Variants in CD81 observed in about 807,000 individuals in gnomAD.
The protein encoded by CD81 is CD81 molecule.
In CD81, 10 loss-of-function variants were observed where a neutral mutation model predicts 30.1. The observed-to-expected ratio is 0.33, with a 90% CI of 0.21 to 0.56. CD81 has a LOEUF of 0.56. Among genes scored for constraint, CD81 ranks in the 20% least tolerant of loss-of-function variants. The pLI is 0.89. For missense variants in CD81, 263 were observed against 308.7 expected (o/e 0.85, Z 1.11); for synonymous variants, 147 against 126.4 (o/e 1.16, Z -1.10).
intron 2 of CD81, among the ~76,000 whole-genome samples, 188 bp downstream of exon 2, chr11:2,390,714 C>T (rs1273218919): frequency 6.6e-6 from 1 of 152,154 alleles, no homozygotes; most frequent in African/African-American, 2.4e-5. Context: ...CCTGCTGGCC[C>T]TTCTGGTCTG....
At chr11:2,380,211 T>C (rs2133440898) in intron 1 of CD81, among the ~76,000 whole-genome samples, 1 of 152,196 alleles carries the variant, frequency 6.6e-6, no homozygotes, top group South Asian at 2.1e-4. Context: ...GCGGGAACCC[T>C]GCAGGGTCCA....
chr11:2,381,438 C>T (rs1849702931), intron 1 of CD81, among the ~76,000 whole-genome samples: 1 of 152,234 alleles, frequency 6.6e-6, no homozygotes, highest in Admixed American at 6.5e-5. Flanking sequence ...CCCAGTTCAG[C>T]TCAACTTTCA....
rs1484317586 is a variant in CD81 at position 2,377,765 on chromosome 11, T to C, written c.66+150T>C. 6 of 300,278 alleles carry C rather than the reference T, an allele frequency of 2.0e-5. No homozygotes were observed. Among genetic ancestry groups the C allele is most frequent in the Admixed American group, 5.9e-5 (1 of 17,014 alleles). The allele number at this position is 300,278 out of a possible 1,614,324, so 18.6% of individuals were successfully genotyped here. On this transcript the variant is annotated intron_variant, in intron 1 of 7. Coordinates refer to ENST00000263645, the MANE Select transcript of CD81 (RefSeq NM_004356.4). This position sits in a 1 kb window ranked among gnomAD's most constrained non-coding sequence, Gnocchi z 7.7. ...TGGGCTCCAGGAGCGGGGTGGGGGG[T>C]CGCCCGGGGCCACCGCGCCCCCCGA...
chr11:2,383,688 C>A (rs1849738951), intron 1 of CD81, among the ~76,000 whole-genome samples: 1 of 152,162 alleles, frequency 6.6e-6, no homozygotes, highest in Non-Finnish European at 1.5e-5. Context: ...TGGTGGACCC[C>A]CTCCCCAAGA....
chr11:2,393,661 T>C (rs2074245), intron 2 of CD81: 19,585 of 543,844 alleles, frequency 0.036, 1,535 homozygotes, highest in African/African-American at 0.23. Flanking sequence ...CGGCCTACAG[T>C]GGGGCCCACC....
At chr11:2,383,043 G>A (rs1468517289) in intron 1 of CD81, among the ~76,000 whole-genome samples, 2 of 152,176 alleles carry the variant, frequency 1.3e-5, no homozygotes, top group Non-Finnish European at 1.5e-5. Flanking sequence ...GCATGTGTGC[G>A]TCCTCCTGGT....
At chr11:2,387,692 T>A (rs924471334) in intron 1 of CD81, among the ~76,000 whole-genome samples, 2 of 152,090 alleles carry the variant, frequency 1.3e-5, no homozygotes, top group Non-Finnish European at 2.9e-5. Flanking sequence ...CCTTGTCATG[T>A]GAGGGGCACA....
chr11:2,383,338 C>T (rs546472409), intron 1 of CD81, among the ~76,000 whole-genome samples: 1 of 152,220 alleles, frequency 6.6e-6, no homozygotes, highest in East Asian at 1.9e-4. Flanking sequence ...GGCCCCGTCC[C>T]CAACCTCCAC....
At chr11:2,394,068 C>A (rs1295425821) in intron 2 of CD81, 27 bp from the exon 3 acceptor site, 2 of 1,573,302 alleles carry the variant, frequency 1.3e-6, no homozygotes, top group African/African-American at 1.4e-5. Flanking sequence ...TGTGTAGGCA[C>A]CCACCTGGTG....
intron 1 of CD81, chr11:2,386,040 C>T (rs1176157019): frequency 1.7e-5 from 12 of 717,112 alleles, no homozygotes; most frequent in East Asian, 8.0e-5. Context: ...TTGTATGCGT[C>T]CCAGTTGCCT....
At chr11:2,382,789 C>T (rs1849725858) in intron 1 of CD81, among the ~76,000 whole-genome samples, 1 of 152,228 alleles carries the variant, frequency 6.6e-6, no homozygotes, top group Non-Finnish European at 1.5e-5. Flanking sequence ...GCATGAGACT[C>T]ACCCCAGGAC....
At chr11:2,377,101 TC>T (rs1849604956), upstream of CD81, among the ~76,000 whole-genome samples, 1 of 152,054 alleles carries the variant, frequency 6.6e-6, no homozygotes, top group South Asian at 2.1e-4. This position sits in a 1 kb window ranked among gnomAD's most constrained non-coding sequence, Gnocchi z 7.7. Flanking sequence ...TGGGGACGCC[TC>T]CCGCGCCCAG....
Position 2,395,582 on chromosome 11 carries a change from G to A in CD81, c.459+62G>A, listed in dbSNP as rs904011272. ...CCGGGAACCCGGCGGGGTGTGTCTC[G>A]TCCTGGATGAATCCTGCCTACGCCC... On this transcript the variant is annotated intron_variant, in intron 5 of 7. Transcript: ENST00000263645. The A allele has an allele frequency of 5.3e-5, 69 of 1,296,356 alleles. No individual in the cohort carries two copies. The Middle Eastern group carries it at 9.2e-4, about 17-fold the overall frequency. The allele number at this position is 1,296,356 out of a possible 1,614,324, so 80.3% of individuals were successfully genotyped here.
chr11:2,383,726 C>A (rs1400682777), intron 1 of CD81, among the ~76,000 whole-genome samples: 2 of 152,250 alleles, frequency 1.3e-5, no homozygotes, highest in African/African-American at 4.8e-5. Flanking sequence ...GGACTAGAGA[C>A]ACACAGATGC....
At chr11:2,386,392 G>T (rs1849798398) in intron 1 of CD81, 3 of 636,964 alleles carry the variant, frequency 4.7e-6, no homozygotes, top group Non-Finnish European at 8.6e-6. Flanking sequence ...TGCCACATGG[G>T]GTTTGTTATG....
chr11:2,386,332 T>G, intron 1 of CD81: 1 of 623,750 alleles, frequency 1.6e-6, no homozygotes, highest in Non-Finnish European at 2.9e-6. Context: ...CCCAGGTCTT[T>G]CGGAGAGCAG....
Position 2,396,840 on chromosome 11 carries a change from G to T in CD81, c.685G>T (p.Gly229Cys). The change falls in exon 8 of 8, where the codon GGC becomes TGC. Residue 229 changes from glycine (G) to cysteine (C), a missense_variant. Transcript: ENST00000263645. ...EMILSMVLCCGIRNSSVY is the reference protein window; with the variant it reads ...EMILSMVLCCCIRNSSVY ...GATCCTGAGCATGGTGCTGTGCTGT[G>T]GCATCCGGAACAGCTCCGTGTACTG... 1 of 1,612,784 alleles carries T rather than the reference G, an allele frequency of 6.2e-7. No individual in the cohort carries two copies. The highest frequency in any genetic ancestry group is 1.1e-5 in the South Asian group (1 of 91,086).
rs770452088 is a variant in CD81, at chr11:2,397,091, T to C, written c.*225T>C. On this transcript the variant is annotated 3_prime_UTR_variant, in exon 8 of 8. Transcript: ENST00000263645. ...GTATGAGTGGAGACGGGCCTGGGTC[T>C]TGGGGACTGGAGGGCAGGGGTCCTT... 1.7e-6 allele frequency: 1 copy of C among 588,022 alleles called. No individual in the cohort carries two copies. The highest frequency in any genetic ancestry group is 3.1e-6 in the Non-Finnish European group (1 of 326,850). 36.4% of individuals were successfully genotyped at this position (588,022 alleles called of 1,614,324 possible). A position where few individuals can be genotyped will look rare whatever the true frequency, so the allele number is the denominator to read the frequency against.
intron 1 of CD81, among the ~76,000 whole-genome samples, chr11:2,384,489 AGGGCGGCTTGTGGGGTG>A (rs1849755364): frequency 7.8e-5 from 1 of 12,816 alleles, no homozygotes; most frequent in Non-Finnish European, 1.3e-4. Context: ...CTTGTGGGGT[AGGGCGGCTTGTGGGGTG>A]GGGCATCTTG....
Sources: gnomAD v4.1 joint callset for allele counts (sites outside exome capture counted in the v4.1 genomes callset) on GRCh38, gnomAD v4.1.1 for gene constraint, Gnocchi (gnomAD v3.1) non-coding constraint, MANE v1.5 for transcripts, NCBI Gene and HGNC (gene_info 2026-07-23, HGNC 2026-07-21) for gene names.